The following GALNT13 variants were observed in gnomAD, a reference collection of about 807,000 sequenced individuals.
GALNT13 encodes UDP-GalNAc:polypeptide N-acetylgalactosaminyltransferase 13.
In GALNT13, 28 loss-of-function variants were observed where a neutral mutation model predicts 64.2. That is an observed-to-expected ratio of 0.44 (90% CI 0.32 to 0.60). GALNT13 has a LOEUF of 0.60. GALNT13 is among the 20% of genes least tolerant of loss of function. The probability of loss-of-function intolerance (pLI) is 0.05; values close to 1 mark genes in which losing one functional copy is unlikely to be tolerated. For missense variants in GALNT13, 577 were observed against 669.8 expected (o/e 0.86, Z 1.53); for synonymous variants, 214 against 224.6 (o/e 0.95, Z 0.42).
At chr2:154,032,419 A>C (rs1698395813) in intron 3 of GALNT13, among the ~76,000 whole-genome samples, 2 of 152,046 alleles carry the variant, frequency 1.3e-5, no homozygotes. Context: ...CTTTCGATTT[A>C]TCTAATACTG....
At chr2:153,176,771 A>T in the GALNT13 span, among the ~76,000 whole-genome samples, 8 of 20,778 alleles carry the variant, frequency 3.9e-4, no homozygotes, top group Admixed American at 8.9e-4. Context: ...GCCTGAGTTT[A>T]AAAAAAAAAA....
At chr2:153,722,552 G>C in the GALNT13 span, among the ~76,000 whole-genome samples, 1 of 149,800 alleles carries the variant, frequency 6.7e-6, no homozygotes, top group Admixed American at 6.6e-5. Flanking sequence ...AAAATTGATA[G>C]ACCGCTAACA....
At chr2:153,643,293 CA>C in the GALNT13 span, among the ~76,000 whole-genome samples, 7 of 151,316 alleles carry the variant, frequency 4.6e-5, no homozygotes, top group Admixed American at 2.0e-4. Flanking sequence ...CAAAAATAAG[CA>C]ATACTTTAGG....
the GALNT13 span, among the ~76,000 whole-genome samples, chr2:153,407,155 A>C: frequency 3.9e-5 from 6 of 152,248 alleles, no homozygotes; most frequent in African/African-American, 1.4e-4. Context: ...CAGTATCAAC[A>C]TCACCTGGGA....
intron 9 of GALNT13, among the ~76,000 whole-genome samples, chr2:154,338,113 G>C (rs926388617): frequency 2.6e-5 from 4 of 152,016 alleles, no homozygotes; most frequent in African/African-American, 9.7e-5. Context: ...ATTTAGTTGA[G>C]TATGATAAAA....
the GALNT13 span, among the ~76,000 whole-genome samples, chr2:153,689,630 T>C: frequency 6.6e-6 from 1 of 152,100 alleles, no homozygotes; most frequent in Admixed American, 6.6e-5. Flanking sequence ...GTTTCATATC[T>C]TTCAGCCTTT....
chr2:153,431,938 G>A, the GALNT13 span, among the ~76,000 whole-genome samples: 1 of 152,138 alleles, frequency 6.6e-6, no homozygotes, highest in Admixed American at 6.6e-5. Flanking sequence ...TATTGCAGCT[G>A]TAATAGCTCC....
the GALNT13 span, among the ~76,000 whole-genome samples, chr2:153,672,770 G>GTTT: frequency 4.0e-3 from 567 of 143,254 alleles, 2 homozygotes; most frequent in African/African-American, 0.014. Flanking sequence ...TCCAGGAGGT[G>GTTT]TTTTTTTTTT....
At chr2:153,638,555 T>A in the GALNT13 span, among the ~76,000 whole-genome samples, 10 of 25,522 alleles carry the variant, frequency 3.9e-4, 5 homozygotes, top group South Asian at 0.019. Flanking sequence ...TAGTACATCT[T>A]TGAATAGGTG....
At chr2:154,353,943 G>T (rs1408083915) in intron 9 of GALNT13, among the ~76,000 whole-genome samples, 1 of 152,078 alleles carries the variant, frequency 6.6e-6, no homozygotes, top group East Asian at 1.9e-4. Context: ...TGGATTGCTG[G>T]GTCATATGGT....
chr2:153,741,732 T>C, the GALNT13 span, among the ~76,000 whole-genome samples: 1 of 152,108 alleles, frequency 6.6e-6, no homozygotes, highest in Non-Finnish European at 1.5e-5. Flanking sequence ...TATCACCATT[T>C]TCCCTAGAAA....
intron 8 of GALNT13, among the ~76,000 whole-genome samples, chr2:154,284,936 G>A (rs1364106959): frequency 6.6e-6 from 1 of 152,044 alleles, no homozygotes; most frequent in Admixed American, 6.6e-5. Flanking sequence ...TAGATGTGAG[G>A]TGATATCTCA....
the GALNT13 span, among the ~76,000 whole-genome samples, chr2:153,671,914 A>G: frequency 6.6e-6 from 1 of 152,206 alleles, no homozygotes; most frequent in African/African-American, 2.4e-5. Context: ...GGTCTCTGAT[A>G]AAACAGACTT....
chr2:153,421,438 T>G, the GALNT13 span: 115 of 223,678 alleles, frequency 5.1e-4, 1 homozygote, highest in Non-Finnish European at 3.2e-4. Flanking sequence ...GGAATGGAGT[T>G]GTAGAGCTCA....
intron 9 of GALNT13, among the ~76,000 whole-genome samples, chr2:154,354,570 T>A (rs532661173): frequency 6.6e-6 from 1 of 152,118 alleles, no homozygotes; most frequent in Non-Finnish European, 1.5e-5. Flanking sequence ...CCTTTGTTCA[T>A]TTTGAGTTAT....
At chr2:153,990,111 T>G (rs1482138074) in intron 3 of GALNT13, among the ~76,000 whole-genome samples, 1 of 152,134 alleles carries the variant, frequency 6.6e-6, no homozygotes, top group East Asian at 1.9e-4. Context: ...TTCTTTCATT[T>G]AATCTTTCTG....
intron 4 of GALNT13, among the ~76,000 whole-genome samples, chr2:154,181,576 TA>T (rs1685960531): frequency 6.6e-6 from 1 of 152,128 alleles, no homozygotes; most frequent in South Asian, 2.1e-4. Context: ...GATAAATTTT[TA>T]CGATATGATA....
At chr2:154,372,560 A>T (rs1310968233) in intron 9 of GALNT13, among the ~76,000 whole-genome samples, 1 of 152,148 alleles carries the variant, frequency 6.6e-6, no homozygotes, top group Non-Finnish European at 1.5e-5. Flanking sequence ...CTAAATCATG[A>T]TACTTCTATT....
chr2:153,258,985 T>C, the GALNT13 span, among the ~76,000 whole-genome samples: 277 of 152,336 alleles, frequency 1.8e-3, 6 homozygotes, highest in East Asian at 0.04. Context: ...AGTGCTGATA[T>C]GTCTGATGTT....
Sources: gnomAD v4.1 joint callset for allele counts (sites outside exome capture counted in the v4.1 genomes callset) on GRCh38, gnomAD v4.1.1 for gene constraint, MANE v1.5 for transcripts, NCBI Gene and HGNC (gene_info 2026-07-23, HGNC 2026-07-21) for gene names.